Variants in KIF24 observed in about 807,000 individuals in gnomAD.
KIF24 encodes kinesin family member 24.
Under a neutral mutation model 118.9 loss-of-function variants are expected in KIF24, and 81 were observed. The ratio of observed to expected loss-of-function variants is 0.68; its 90% CI spans 0.57 to 0.82. KIF24 has a LOEUF of 0.82. Ranked by LOEUF, KIF24 falls within the 40% of genes least tolerant of loss-of-function variation. KIF24 has a pLI of 0.00. For synonymous variants in KIF24, 599 were observed against 610.0 expected (o/e 0.98, Z 0.27); for missense variants, 1,560 against 1,661.6 (o/e 0.94, Z 1.06).
intron 1 of KIF24, chr9:34,319,163 C>A (rs771819899): frequency 4.0e-4 from 642 of 1,600,002 alleles, no homozygotes; most frequent in Non-Finnish European, 5.1e-4. Flanking sequence ...GGAAAAGCTG[C>A]AAATCGTGGA....
intron 11 of KIF24, 106 bp downstream of exon 11, chr9:34,255,629 C>T (rs1834797898): frequency 2.0e-6 from 2 of 1,001,348 alleles, no homozygotes; most frequent in Admixed American, 5.5e-5. Context: ...GACTAGCTCA[C>T]CTGCGTACCC....
chr9:34,330,096 A>C (rs905283169), upstream of KIF24, among the ~76,000 whole-genome samples: 3 of 152,260 alleles, frequency 2.0e-5, no homozygotes, highest in African/African-American at 7.2e-5. Flanking sequence ...ACAAACAAAC[A>C]AAAAAGGGAC....
chr9:34,317,777 A>G (rs1837376428), intron 1 of KIF24, among the ~76,000 whole-genome samples: 1 of 152,214 alleles, frequency 6.6e-6, no homozygotes, highest in African/African-American at 2.4e-5. Flanking sequence ...ACGGCCCCAA[A>G]GCAAAAGAGT....
At chr9:34,260,741 C>T (rs1393915679) in intron 9 of KIF24, among the ~76,000 whole-genome samples, 9 of 152,140 alleles carry the variant, frequency 5.9e-5, no homozygotes, top group African/African-American at 1.9e-4. Flanking sequence ...GAGGCCAAGG[C>T]GGGCAGATCA....
At chr9:34,294,060 G>T (rs1836364056) in intron 4 of KIF24, among the ~76,000 whole-genome samples, 1 of 151,996 alleles carries the variant, frequency 6.6e-6, no homozygotes, top group South Asian at 2.1e-4. Context: ...GATCTCTTGG[G>T]CTCAAGCAAC....
chr9:34,290,577 A>T (rs1458479702), intron 4 of KIF24, among the ~76,000 whole-genome samples, 188 bp from the exon 5 acceptor site: 1 of 151,888 alleles, frequency 6.6e-6, no homozygotes, highest in African/African-American at 2.4e-5. Flanking sequence ...AAAAATTCTC[A>T]AACTACTACA....
chr9:34,317,287 G>C (rs1837360191), intron 1 of KIF24, among the ~76,000 whole-genome samples: 1 of 151,974 alleles, frequency 6.6e-6, no homozygotes, highest in African/African-American at 2.4e-5. Context: ...CTACTCTGGA[G>C]GCTGAGGTAG....
intron 3 of KIF24, among the ~76,000 whole-genome samples, chr9:34,301,316 C>T (rs567223482): frequency 1.3e-5 from 2 of 151,756 alleles, no homozygotes; most frequent in Non-Finnish European, 2.9e-5. Flanking sequence ...GGTGTGATCT[C>T]GGCTTACTGC....
chr9:34,299,399 C>G (rs1425684116), intron 3 of KIF24, among the ~76,000 whole-genome samples: 1 of 151,916 alleles, frequency 6.6e-6, no homozygotes, highest in Admixed American at 6.6e-5. Flanking sequence ...CCAGGCTGGT[C>G]TCGAACTCCT....
At position 34,290,243 on chromosome 9, in the gene KIF24, A is replaced by C. The variant is rs148330049; in HGVS notation, c.1058T>G (p.Leu353Arg). The C allele has an allele frequency of 1.4e-5, 23 of 1,613,954 alleles. No homozygotes were observed. The highest frequency in any genetic ancestry group is 1.6e-4 in the Middle Eastern group (1 of 6,062). ...TTCATAGAAGCTGATCCACACAAAG[A>C]GGTGCTTTCTTGGCTGGGACACTTC... Reference protein sequence around the residue: ...QLEVSQPRKHLFVWISFYEIY... With the variant: ...QLEVSQPRKHRFVWISFYEIY... The change falls in exon 5 of 13, where the codon CTC (leucine) becomes CGC (arginine). Residue 353 changes from leucine (L) to arginine (R), a missense_variant. Transcript: ENST00000402558.
At chr9:34,323,436 C>A in intron 1 of KIF24, among the ~76,000 whole-genome samples, 1 of 152,084 alleles carries the variant, frequency 6.6e-6, no homozygotes, top group East Asian at 1.9e-4. Flanking sequence ...TAAACCAGTG[C>A]CAAGTATTAC....
At chr9:34,317,717 T>G (rs1326435397) in intron 1 of KIF24, among the ~76,000 whole-genome samples, 1 of 152,230 alleles carries the variant, frequency 6.6e-6, no homozygotes, top group Admixed American at 6.5e-5. Flanking sequence ...CCAGATCAAC[T>G]GTGGGGTATT....
chr9:34,291,930 A>G (rs1378211018), intron 4 of KIF24, among the ~76,000 whole-genome samples: 1 of 152,222 alleles, frequency 6.6e-6, no homozygotes, highest in Non-Finnish European at 1.5e-5. Context: ...AGATGGCTAC[A>G]AAGATAAAAA....
intron 1 of KIF24, among the ~76,000 whole-genome samples, chr9:34,325,217 C>T (rs1053327840): frequency 5.3e-5 from 8 of 151,872 alleles, no homozygotes; most frequent in South Asian, 2.1e-4. Context: ...TGGTGGCACA[C>T]ACCTGTGGTC....
At chr9:34,330,966 A>C (rs1214293869), upstream of KIF24, among the ~76,000 whole-genome samples, 1 of 151,690 alleles carries the variant, frequency 6.6e-6, no homozygotes, top group Admixed American at 6.6e-5. Flanking sequence ...GTCTCAAAAA[A>C]AAAAAGGTAG....
rs985789848 is a variant in KIF24, at chr9:34,318,535, C to T, written c.-25-7164G>A. On this transcript the variant is annotated intron_variant, in intron 1 of 12. Transcript: ENST00000402558. This position sits in a 1 kb window ranked among gnomAD's most constrained non-coding sequence, Gnocchi z 4.9. ...TGAGCCCCAAGGCAGCCACGCTGGCCGAACACAGCGCCGGCCTGGCCTTCA... is the reference window on the plus strand; with the variant it reads ...TGAGCCCCAAGGCAGCCACGCTGGCTGAACACAGCGCCGGCCTGGCCTTCA... 6.8e-6 allele frequency: 7 copies of T among 1,027,858 alleles called. No individual in the cohort carries two copies. The highest frequency in any genetic ancestry group is 2.7e-5 in the South Asian group (2 of 75,364). 63.7% of individuals were successfully genotyped at this position (1,027,858 alleles called of 1,614,324 possible).
At chr9:34,268,322 C>A (rs951498161) in intron 8 of KIF24, among the ~76,000 whole-genome samples, 6 of 151,708 alleles carry the variant, frequency 4.0e-5, no homozygotes, top group Admixed American at 6.6e-5. Context: ...TGCCACCATG[C>A]CCAACTAATT....
At chr9:34,317,145 A>T (rs1837354999) in intron 1 of KIF24, among the ~76,000 whole-genome samples, 1 of 151,728 alleles carries the variant, frequency 6.6e-6, no homozygotes, top group South Asian at 2.1e-4. Context: ...TTGTACCGGG[A>T]AAGTGGAGGT....
At position 34,269,327 on chromosome 9, in the gene KIF24, GCT is replaced by G. The variant is rs771672004; in HGVS notation, c.1371_1372del (p.Arg457SerfsTer9). ...TCTATCTGAGTCCCTTGCATCTGCT[GCT>G]CTTTCACTGCCAGCCAAGTCAATAA... On this transcript the variant is annotated frameshift_variant, in exon 8 of 13. Coordinates refer to ENST00000402558, the MANE Select transcript of KIF24 (RefSeq NM_194313.4). LOFTEE classifies it high-confidence loss of function. 3 of 1,610,724 alleles carry G rather than the reference GCT, an allele frequency of 1.9e-6. No homozygotes were observed. In the African/African-American group the frequency reaches 4.0e-5, roughly 22 times the overall value.
Sources: gnomAD v4.1 joint callset for allele counts (sites outside exome capture counted in the v4.1 genomes callset) on GRCh38, gnomAD v4.1.1 for gene constraint, Gnocchi (gnomAD v3.1) non-coding constraint, MANE v1.5 for transcripts, NCBI Gene and HGNC (gene_info 2026-07-23, HGNC 2026-07-21) for gene names.